DNAH9: variants seen among roughly 807,000 people sequenced by gnomAD.
The protein encoded by DNAH9 is dynein axonemal heavy chain 9.
A neutral mutation model predicts 471.6 loss-of-function variants in DNAH9; 345 were observed. That is an observed-to-expected ratio of 0.73 (90% confidence interval 0.67 to 0.80). The LOEUF (loss-of-function observed/expected upper bound fraction) is 0.80. DNAH9 is among the 30% of genes least tolerant of loss of function. The pLI, the probability that DNAH9 is intolerant of heterozygous loss-of-function variation, is 0.00. For synonymous variants in DNAH9, 2,093 were observed against 2,123.6 expected (o/e 0.99, Z 0.40); for missense variants, 5,407 against 5,609.2 (o/e 0.96, Z 1.15).
chr17:11,780,315 AC>A (rs1172971284), intron 38 of DNAH9, among the ~76,000 whole-genome samples: 1 of 152,204 alleles, frequency 6.6e-6, no homozygotes, highest in African/African-American at 2.4e-5. Context: ...TGTTTTTTCT[AC>A]ATCCCACCAA....
rs753546636 is a variant in DNAH9, at chr17:11,886,832, A to G, written c.10979A>G (p.Glu3660Gly). Residue 3660 changes from glutamate to glycine, a missense_variant, in exon 57 of 69, where the codon GAG becomes GGG. Glu to Gly is a moderately conservative substitution (Grantham distance 98, BLOSUM62 -2). Coordinates refer to ENST00000262442, the MANE Select transcript of DNAH9 (RefSeq NM_001372.4). ...TGTTTATTTTTCCAACAGGTCCAGG[A>G]GGCCAAGGTGACTGAAGTGAAAATC... ...TAAEVEKKVQ[E>G]AKVTEVKINE... 3 of 1,610,650 alleles carry G rather than the reference A, an allele frequency of 1.9e-6. No homozygotes were observed. The African/African-American group carries it at 4.0e-5, about 22-fold the overall frequency.
chr17:11,611,601 T>TCC, intron 3 of DNAH9, 49 bp from the exon 4 acceptor site: 1 of 1,595,842 alleles, frequency 6.3e-7, no homozygotes, highest in Non-Finnish European at 8.6e-7. Flanking sequence ...CAGTGTGACT[T>TCC]GCATTTCCTG....
chr17:11,729,210 C>T (rs1197965657), intron 28 of DNAH9, among the ~76,000 whole-genome samples: 2 of 152,122 alleles, frequency 1.3e-5, no homozygotes, highest in East Asian at 1.9e-4. Context: ...GCTGCACAGG[C>T]TCCATTCCCC....
At chr17:11,882,689 A>G (rs1037438905) in intron 55 of DNAH9, among the ~76,000 whole-genome samples, 1 of 152,242 alleles carries the variant, frequency 6.6e-6, no homozygotes, top group Admixed American at 6.5e-5. Flanking sequence ...CAAATGAACA[A>G]TGCCATTCAG....
intron 38 of DNAH9, among the ~76,000 whole-genome samples, chr17:11,780,257 G>A (rs1279620240): frequency 6.6e-6 from 1 of 152,216 alleles, no homozygotes; most frequent in Admixed American, 6.5e-5. Flanking sequence ...GAGAGCTGGG[G>A]AGGGCACCGT....
At chr17:11,653,284 G>T (rs567995733) in intron 14 of DNAH9, among the ~76,000 whole-genome samples, 2 of 152,344 alleles carry the variant, frequency 1.3e-5, no homozygotes, top group East Asian at 3.9e-4. Flanking sequence ...AACAGAAGAA[G>T]ATGACAAGGG....
chr17:11,650,483 A>G (rs1212385543), intron 12 of DNAH9, among the ~76,000 whole-genome samples: 1 of 152,226 alleles, frequency 6.6e-6, no homozygotes, highest in Non-Finnish European at 1.5e-5. Context: ...CCATTTCCTG[A>G]ACCCCTAGCA....
At position 11,880,112 on chromosome 17, in the gene DNAH9, G is replaced by A. The variant is rs1972658541; in HGVS notation, c.10513G>A (p.Gly3505Arg). The change falls in exon 54 of 69, where the codon GGA (glycine) becomes AGA (arginine). Residue 3505 changes from glycine to arginine, a missense_variant. Around this residue, in one of 3 missense-constraint regions of DNAH9, gnomAD observed 4,636 missense variants for 4,900.3 expected, o/e 0.95. Transcript: ENST00000262442. ...LQIIEQALEA[G>R]AVVLIENLEE... is the part of the protein sequence containing the mutation. ...AATCATAGAGCAGGCCCTGGAAGCT[G>A]GAGCTGTGGTGCTGATTGAAAATCT... 6.2e-7 allele frequency: 1 copy of A among 1,613,928 alleles called. No homozygotes were observed. The highest frequency in any genetic ancestry group is 1.3e-5 in the African/African-American group (1 of 74,916).
intron 48 of DNAH9, among the ~76,000 whole-genome samples, chr17:11,834,328 C>CAAA (rs762924565): frequency 0.24 from 18,148 of 77,112 alleles, 3,023 homozygotes; most frequent in Admixed American, 0.32. Flanking sequence ...GACTCCGTCT[C>CAAA]AAAAAAAAAA....
chr17:11,687,839 A>T (rs2074265036), intron 19 of DNAH9, among the ~76,000 whole-genome samples: 1 of 152,032 alleles, frequency 6.6e-6, no homozygotes, highest in South Asian at 2.1e-4. Flanking sequence ...CCTTGACCAT[A>T]AAAAAGCCAT....
chr17:11,755,687 T>TACAC (rs375603663), intron 33 of DNAH9, among the ~76,000 whole-genome samples: 4,497 of 148,596 alleles, frequency 0.03, 227 homozygotes, highest in African/African-American at 0.1. Flanking sequence ...TCAACACACA[T>TACAC]ACACACACAC....
At chr17:11,605,782 G>T (rs377250083) in intron 1 of DNAH9, among the ~76,000 whole-genome samples, 1 of 151,808 alleles carries the variant, frequency 6.6e-6, no homozygotes, top group South Asian at 2.1e-4. Context: ...GGATACAGGC[G>T]TGAGCCACCG....
chr17:11,709,228 A>G (rs1224677759), intron 26 of DNAH9, among the ~76,000 whole-genome samples: 2 of 152,230 alleles, frequency 1.3e-5, no homozygotes, highest in African/African-American at 4.8e-5. Flanking sequence ...AATGATGCAA[A>G]TAAGAACTTG....
chr17:11,894,548 C>T, intron 59 of DNAH9, 52 bp downstream of exon 59: 1 of 1,594,764 alleles, frequency 6.3e-7, no homozygotes. Flanking sequence ...CAGAATTTAC[C>T]TCTGACACTG....
At chr17:11,718,287 T>A (rs1035754401) in intron 26 of DNAH9, among the ~76,000 whole-genome samples, 7 of 152,210 alleles carry the variant, frequency 4.6e-5, no homozygotes, top group Non-Finnish European at 1.5e-5. Context: ...TGCTGAAGAG[T>A]ATTACACTCT....
intron 67 of DNAH9, among the ~76,000 whole-genome samples, chr17:11,957,078 G>C (rs1251037871): frequency 6.6e-6 from 1 of 151,750 alleles, no homozygotes; most frequent in African/African-American, 2.4e-5. Context: ...GGATGGAAGG[G>C]GAGATATCAT....
chr17:11,647,956 CAG>C (rs1170409309), intron 12 of DNAH9, among the ~76,000 whole-genome samples: 1 of 152,142 alleles, frequency 6.6e-6, no homozygotes, highest in Non-Finnish European at 1.5e-5. Flanking sequence ...TGTACCACCA[CAG>C]AGTTACTTGT....
intron 56 of DNAH9, among the ~76,000 whole-genome samples, chr17:11,886,322 TCAAACAAACAAA>T (rs371583670): frequency 1.3e-5 from 2 of 151,888 alleles, no homozygotes; most frequent in East Asian, 1.9e-4. Flanking sequence ...AGACTTTGTC[TCAAACAAACAAA>T]CAAACAAACA....
At chr17:11,735,118 A>G (rs538476359) in intron 28 of DNAH9, among the ~76,000 whole-genome samples, 8 of 152,276 alleles carry the variant, frequency 5.3e-5, no homozygotes, top group African/African-American at 1.9e-4. Flanking sequence ...TAAGTGCCTT[A>G]TGTCTTCTCA....
Sources: allele counts gnomAD v4.1 joint callset (sites outside exome capture counted in the v4.1 genomes callset), GRCh38; gene constraint gnomAD v4.1.1; regional missense constraint gnomAD v4.1.1; transcripts MANE v1.5; gene names NCBI Gene and HGNC (gene_info 2026-07-23, HGNC 2026-07-21).